Variants in ADGRA2 observed in about 807,000 individuals in gnomAD.
The protein encoded by ADGRA2 is G-protein coupled receptor 124.
In ADGRA2, 61 loss-of-function variants were observed where a neutral mutation model predicts 98.7. That is an observed-to-expected ratio of 0.62 (90% confidence interval 0.50 to 0.76). The LOEUF (loss-of-function observed/expected upper bound fraction) is 0.76, where lower values mean the gene tolerates loss of function less well. Among genes scored for constraint, ADGRA2 ranks in the 30% least tolerant of loss-of-function variants. ADGRA2 has a pLI of 0.00. For missense variants in ADGRA2, 1,712 were observed against 1,860.0 expected (o/e 0.92, Z 1.46); for synonymous variants, 858 against 831.5 (o/e 1.03, Z -0.55).
intron 5 of ADGRA2, 125 bp downstream of exon 5, chr8:37,829,684 T>C: frequency 1.0e-6 from 1 of 961,022 alleles, no homozygotes; most frequent in Non-Finnish European, 1.7e-6. Flanking sequence ...GTGCCTGAAA[T>C]GCCCCCATGA....
intron 12 of ADGRA2, 40 bp downstream of exon 12, chr8:37,835,438 G>A (rs777438115): frequency 3.8e-6 from 6 of 1,568,786 alleles, no homozygotes; most frequent in Non-Finnish European, 5.2e-6. Flanking sequence ...GAGAAGGGAG[G>A]CACTCAGATG....
Position 37,830,567 on chromosome 8 carries a change from T to C in ADGRA2, c.719-143T>C, listed in dbSNP as rs1166690175. 4 of 631,016 alleles carry C rather than the reference T, an allele frequency of 6.3e-6. No individual in the cohort carries two copies. The highest frequency in any genetic ancestry group is 3.6e-5 in the African/African-American group (2 of 54,798). 39.1% of individuals were successfully genotyped at this position (631,016 alleles called of 1,614,324 possible). ...ACCCTTACCCCTAGAGACTTTCTCT[T>C]GACCCCTTTTCCTTCCCAGCTGGAG... On this transcript the variant is annotated intron_variant, in intron 6 of 18. Coordinates refer to ENST00000412232, the MANE Select transcript of ADGRA2 (RefSeq NM_032777.10). This position sits in a 1 kb window ranked among gnomAD's most constrained non-coding sequence, Gnocchi z 4.8.
In ADGRA2 at chr8:37,801,805, A is replaced by C. The variant is rs1585962139; in HGVS notation, c.266+4271A>C. On this transcript the variant is annotated intron_variant, in intron 1 of 18. Transcript: ENST00000412232. ...CCGGGATGGGCATTGCATTCCTGCC[A>C]GGTGAGGGCCTCGCTGCTCACCTGG... 2.0e-5 allele frequency among the ~76,000 whole-genome samples: 3 copies of C among 152,352 alleles called. No individual in the cohort carries two copies. In the South Asian group the frequency reaches 6.2e-4, roughly 32 times the overall value.
At chr8:37,804,130 C>CACACACACATACACAT (rs1554522471) in intron 1 of ADGRA2, among the ~76,000 whole-genome samples, 1 of 148,590 alleles carries the variant, frequency 6.7e-6, no homozygotes, top group African/African-American at 2.5e-5. Flanking sequence ...CACACACACA[C>CACACACACATACACAT]ACACACACAC....
chr8:37,799,414 G>A (rs573146073), intron 1 of ADGRA2, among the ~76,000 whole-genome samples: 1 of 151,798 alleles, frequency 6.6e-6, no homozygotes, highest in African/African-American at 2.4e-5. Context: ...AGAGCTGTGC[G>A]TGCATGTGTG....
intron 5 of ADGRA2, 24 bp from the exon 6 acceptor site, chr8:37,829,827 G>A (rs117467032): frequency 0.028 from 45,451 of 1,599,798 alleles, 841 homozygotes; most frequent in Non-Finnish European, 0.034. Context: ...GCTCTGCTCC[G>A]TGACCCCTCT....
chr8:37,807,895 A>G (rs1398087635), intron 1 of ADGRA2, among the ~76,000 whole-genome samples: 1 of 152,202 alleles, frequency 6.6e-6, no homozygotes, highest in African/African-American at 2.4e-5. Flanking sequence ...CTTCCCGCAC[A>G]TGTGAGAAAC....
At chr8:37,827,934 G>A (rs1437286430) in intron 2 of ADGRA2, among the ~76,000 whole-genome samples, 1 of 152,158 alleles carries the variant, frequency 6.6e-6, no homozygotes, top group African/African-American at 2.4e-5. Flanking sequence ...AGGAGTTCAA[G>A]ACCAGCCTGG....
intron 2 of ADGRA2, among the ~76,000 whole-genome samples, chr8:37,822,229 C>G (rs1563344059): frequency 6.6e-6 from 1 of 152,152 alleles, no homozygotes; most frequent in Non-Finnish European, 1.5e-5. Context: ...TCAGCCAGCC[C>G]CCACTTTCTA....
At chr8:37,839,431 T>A (rs1027678137) in intron 15 of ADGRA2, 68 bp from the exon 16 acceptor site, 10 of 1,594,994 alleles carry the variant, frequency 6.3e-6, no homozygotes, top group Non-Finnish European at 1.7e-6. Flanking sequence ...GCTCTCCCAG[T>A]GGCCTTGAGA....
chr8:37,802,323 G>A lies in ADGRA2; in HGVS notation c.266+4789G>A, dbSNP rs911313384. 7.9e-5 allele frequency among the ~76,000 whole-genome samples: 12 copies of A among 152,122 alleles called. No individual in the cohort carries two copies. The highest frequency in any genetic ancestry group is 2.9e-4 in the African/African-American group (12 of 41,438). On this transcript the variant is annotated intron_variant, in intron 1 of 18. Coordinates refer to ENST00000412232, the MANE Select transcript of ADGRA2 (RefSeq NM_032777.10). This position sits in a 1 kb window ranked among gnomAD's most constrained non-coding sequence, Gnocchi z 4.7. ...GGTGGAGGGGCGGGCCCAGGCCGGC[G>A]CCTCCACCCCCTTCTCTTCCACCAG...
intron 2 of ADGRA2, among the ~76,000 whole-genome samples, chr8:37,816,927 A>AACACACACACACACACAC (rs3050620): frequency 8.3e-5 from 11 of 131,888 alleles, no homozygotes; most frequent in African/African-American, 3.1e-4. Context: ...AAGAAAGCAA[A>AACACACACACACACACAC]ACACACACAC....
chr8:37,812,498 G>A (rs961565652), intron 1 of ADGRA2, among the ~76,000 whole-genome samples: 21 of 152,204 alleles, frequency 1.4e-4, no homozygotes, highest in African/African-American at 5.1e-4. Flanking sequence ...GTGGTGGCGG[G>A]CACCTGTAGT....
chr8:37,835,513 G>A (rs1169069150), intron 12 of ADGRA2, 41 bp from the exon 13 acceptor site: 5 of 1,502,250 alleles, frequency 3.3e-6, no homozygotes, highest in Non-Finnish European at 3.7e-6. Flanking sequence ...CAGTGCTCTA[G>A]GGGGTCCTGG....
intron 16 of ADGRA2, 46 bp from the exon 17 acceptor site, chr8:37,840,075 C>T (rs1184071075): frequency 6.6e-7 from 1 of 1,514,700 alleles, no homozygotes; most frequent in Non-Finnish European, 8.8e-7. Context: ...TGGGAGGGTC[C>T]AGTCGTAGTC....
At chr8:37,827,846 C>G (rs1223513242) in intron 2 of ADGRA2, among the ~76,000 whole-genome samples, 1 of 152,170 alleles carries the variant, frequency 6.6e-6, no homozygotes, top group East Asian at 1.9e-4. Flanking sequence ...TAAAAATACC[C>G]TCCTTGGCCA....
chr8:37,840,005 G>A lies in ADGRA2; in HGVS notation c.2512-116G>A. 3 of 976,640 alleles carry A rather than the reference G, an allele frequency of 3.1e-6. No individual in the cohort carries two copies. In the South Asian group the frequency reaches 4.9e-5, roughly 16 times the overall value. 60.5% of individuals were successfully genotyped at this position (976,640 alleles called of 1,614,324 possible). On this transcript the variant is annotated intron_variant, in intron 16 of 18. Coordinates refer to ENST00000412232, the MANE Select transcript of ADGRA2 (RefSeq NM_032777.10). ...GTGTATGGGGAGTGGGCTGGGTAAA[G>A]TAAAAAAGCTGGGGGCCGGAGGCTG...
At chr8:37,801,454 A>T (rs1448324137) in intron 1 of ADGRA2, among the ~76,000 whole-genome samples, 1 of 152,086 alleles carries the variant, frequency 6.6e-6, no homozygotes, top group African/African-American at 2.4e-5. Context: ...GGTGCAGACC[A>T]CTGTGAGCCC....
In ADGRA2 at chr8:37,833,737, T is replaced by C. The variant is rs1805525887; in HGVS notation, c.1346T>C (p.Val449Ala). 2 of 1,614,132 alleles carry C rather than the reference T, an allele frequency of 1.2e-6. No homozygotes were observed. Among genetic ancestry groups the C allele is most frequent in the Non-Finnish European group, 8.5e-7 (1 of 1,179,972 alleles). Residue 449 changes from valine to alanine, a missense_variant, in exon 10 of 19, where the codon GTG becomes GCG. By Grantham distance (64) the Val-to-Ala change is moderately conservative. Coordinates refer to ENST00000412232, the MANE Select transcript of ADGRA2 (RefSeq NM_032777.10). ...CTGACCCTGGCTCACCAGCTGCGCG[T>C]GTACACAGCCGAGGCCGCTAGCTTT... ...NALTLAHQLRVYTAEAASFSD... is the reference protein window; with the variant it reads ...NALTLAHQLRAYTAEAASFSD...
Sources: allele counts gnomAD v4.1 joint callset (sites outside exome capture counted in the v4.1 genomes callset), GRCh38; gene constraint gnomAD v4.1.1; non-coding constraint Gnocchi (gnomAD v3.1); transcripts MANE v1.5; gene names NCBI Gene and HGNC (gene_info 2026-07-23, HGNC 2026-07-21).